The following AGAP1 variants were observed in gnomAD, a reference collection of about 807,000 sequenced individuals.
The protein encoded by AGAP1 is ArfGAP with GTPase domain, ankyrin repeat and PH domain 1.
In AGAP1, 29 loss-of-function variants were observed where a neutral mutation model predicts 105.3. That is an observed-to-expected ratio of 0.28 (90% CI 0.21 to 0.38). The LOEUF is 0.38. Ranked by LOEUF, AGAP1 falls within the 10% of genes least tolerant of loss-of-function variation. AGAP1 has a pLI of 1.00. For synonymous variants in AGAP1, 509 were observed against 485.9 expected, an observed-to-expected ratio of 1.05 and a Z score of -0.63; for missense variants, 998 against 1,165.1, an observed-to-expected ratio of 0.86 and a Z score of 2.09.
intron 9 of AGAP1, among the ~76,000 whole-genome samples, chr2:235,825,191 G>T (rs941508213): frequency 2.0e-5 from 3 of 152,220 alleles, no homozygotes; most frequent in Non-Finnish European, 4.4e-5. Context: ...GCAGGCTCCC[G>T]TCTCCAGACC....
intron 1 of AGAP1, among the ~76,000 whole-genome samples, chr2:235,638,270 T>A (rs974800864): frequency 2.0e-5 from 3 of 152,084 alleles, no homozygotes; most frequent in Non-Finnish European, 4.4e-5. Context: ...GGAGGTTCGA[T>A]CAGATTACCC....
chr2:235,815,330 C>T (rs1410439461), intron 9 of AGAP1, among the ~76,000 whole-genome samples: 1 of 152,198 alleles, frequency 6.6e-6, no homozygotes, highest in Non-Finnish European at 1.5e-5. Flanking sequence ...GAGCCTGTTG[C>T]CTTCTTGCTG....
chr2:235,696,101 A>C (rs1450186174), intron 1 of AGAP1, among the ~76,000 whole-genome samples: 1 of 152,166 alleles, frequency 6.6e-6, no homozygotes, highest in Non-Finnish European at 1.5e-5. Context: ...GCTGGAGTGC[A>C]GTGGCGTGAT....
chr2:235,496,702 A>T (rs568697938), intron 1 of AGAP1, among the ~76,000 whole-genome samples: 1 of 152,198 alleles, frequency 6.6e-6, no homozygotes, highest in South Asian at 2.1e-4. Flanking sequence ...AAGCACTTCC[A>T]GCAAAGCAGT....
intron 6 of AGAP1, among the ~76,000 whole-genome samples, chr2:235,783,913 G>A (rs1956438086): frequency 6.6e-6 from 1 of 152,176 alleles, no homozygotes; most frequent in African/African-American, 2.4e-5. Flanking sequence ...TGAAATGTGT[G>A]GGAGTGAACT....
At chr2:236,102,088 C>T (rs1391358731) in intron 16 of AGAP1, among the ~76,000 whole-genome samples, 3 of 152,182 alleles carry the variant, frequency 2.0e-5, no homozygotes, top group South Asian at 2.1e-4. Flanking sequence ...TCGTGACTAG[C>T]CTGGCCAACA....
chr2:235,503,499 G>A (rs1351353048), intron 1 of AGAP1, among the ~76,000 whole-genome samples: 1 of 152,122 alleles, frequency 6.6e-6, no homozygotes, highest in African/African-American at 2.4e-5. Flanking sequence ...ATCAAGCCTG[G>A]GTCTCTGAGT....
In AGAP1 at chr2:235,751,097, G is replaced by A. The variant is rs1392346761; in HGVS notation, c.673+609G>A. Among the ~76,000 whole-genome samples the A allele has an allele frequency of 6.6e-6, 1 of 152,108 alleles. No homozygotes were observed. Among genetic ancestry groups the A allele is most frequent in the East Asian group, 1.9e-4 (1 of 5,186 alleles). ...GAAAATTCTCCTAGGAGAGCATGAGGTTCTGCAAGAGGGTCACATACTTGT... is the reference window on the plus strand; with the variant it reads ...GAAAATTCTCCTAGGAGAGCATGAGATTCTGCAAGAGGGTCACATACTTGT... On this transcript the variant is annotated intron_variant, in intron 6 of 17. Coordinates refer to ENST00000304032, the MANE Select transcript of AGAP1 (RefSeq NM_001037131.3). The surrounding 1 kb of genome is among the most constrained non-coding windows in gnomAD (Gnocchi z 5.3).
chr2:235,862,477 G>A (rs889408933), intron 9 of AGAP1, among the ~76,000 whole-genome samples: 1 of 152,192 alleles, frequency 6.6e-6, no homozygotes, highest in Non-Finnish European at 1.5e-5. Flanking sequence ...GTTCTCATCC[G>A]TAGCAGAGAC....
At chr2:235,502,808 G>A (rs1276962037) in intron 1 of AGAP1, among the ~76,000 whole-genome samples, 1 of 150,380 alleles carries the variant, frequency 6.6e-6, no homozygotes, top group African/African-American at 2.5e-5. Context: ...TGGTCTTGGA[G>A]AAATGTCAGC....
In AGAP1 at chr2:235,494,568, G is replaced by A; in HGVS notation, c.-119G>A. The stretch of plus-strand genomic sequence containing the variant: ...CTTTCTTCTCGCGCCTCCTCCGCCC[G>A]CCGCCGGCGGGCCCGGCTCCCCGGG... On this transcript the variant is annotated 5_prime_UTR_variant, in exon 1 of 18. Coordinates refer to ENST00000304032, the MANE Select transcript of AGAP1 (RefSeq NM_001037131.3). The A allele has an allele frequency of 5.3e-6, 1 of 190,428 alleles. No homozygotes were observed. Among genetic ancestry groups the A allele is most frequent in the Non-Finnish European group, 9.1e-6 (1 of 110,036 alleles). The allele number at this position is 190,428 out of a possible 1,614,324, so 11.8% of individuals were successfully genotyped here.
rs990595865 is a variant in AGAP1 at position 235,599,744 on chromosome 2, C to G, written c.163+104895C>G. On this transcript the variant is annotated intron_variant, in intron 1 of 17. Transcript: ENST00000304032. This position sits in a 1 kb window ranked among gnomAD's most constrained non-coding sequence, Gnocchi z 5.3. ...GGTCCCACGTGATTCTACCTGATCG[C>G]TGGCTCTCTAGGGCTTTTCCCCTCC... Among the ~76,000 whole-genome samples the G allele has an allele frequency of 6.6e-6, 1 of 152,174 alleles. No homozygotes were observed. Among genetic ancestry groups the G allele is most frequent in the Non-Finnish European group, 1.5e-5 (1 of 68,026 alleles).
intron 1 of AGAP1, among the ~76,000 whole-genome samples, chr2:235,592,139 G>A (rs547463566): frequency 9.8e-5 from 15 of 152,362 alleles, no homozygotes; most frequent in African/African-American, 3.6e-4. Context: ...ACAGCGCCCT[G>A]TGGCCAGGAA....
intron 1 of AGAP1, among the ~76,000 whole-genome samples, chr2:235,575,674 G>A (rs1944709063): frequency 6.6e-6 from 1 of 152,256 alleles, no homozygotes; most frequent in Non-Finnish European, 1.5e-5. Flanking sequence ...CTGGGAGAAA[G>A]GGCTGCCGTA....
At chr2:235,718,109 T>G (rs1951209855) in intron 3 of AGAP1, among the ~76,000 whole-genome samples, 1 of 152,188 alleles carries the variant, frequency 6.6e-6, no homozygotes, top group Non-Finnish European at 1.5e-5. Flanking sequence ...TTATAAACAT[T>G]TAATAATCAT....
intron 1 of AGAP1, chr2:235,670,166 C>T (rs921502786): frequency 1.2e-5 from 7 of 583,654 alleles, no homozygotes; most frequent in Admixed American, 2.6e-5. Context: ...GCGCGGGACG[C>T]CCCCCAGAAA....
chr2:236,130,246 T>C lies in AGAP1; in HGVS notation c.*6124T>C, dbSNP rs2060064922. 6.6e-6 allele frequency: 1 copy of C among 152,126 alleles called. No homozygotes were observed. The highest frequency in any genetic ancestry group is 2.4e-5 in the African/African-American group (1 of 41,412). The allele number at this position is 152,126 out of a possible 1,614,324, so 9.4% of individuals were successfully genotyped here. On this transcript the variant is annotated 3_prime_UTR_variant, in exon 18 of 18. Coordinates refer to ENST00000304032, the MANE Select transcript of AGAP1 (RefSeq NM_001037131.3). This position sits in a 1 kb window ranked among gnomAD's most constrained non-coding sequence, Gnocchi z 5.8. ...AGGCTGGCTCAGGGCTTGGTTTTCA[T>C]TTTGGCCTGGCACAGGGTACCTGTA...
At chr2:236,084,246 C>G (rs528416601) in intron 16 of AGAP1, among the ~76,000 whole-genome samples, 1 of 152,258 alleles carries the variant, frequency 6.6e-6, no homozygotes, top group South Asian at 2.1e-4. Context: ...CTGCGGCCAC[C>G]TTAAACTTAA....
At chr2:235,780,574 G>A (rs1956200474) in intron 6 of AGAP1, among the ~76,000 whole-genome samples, 1 of 152,140 alleles carries the variant, frequency 6.6e-6, no homozygotes, top group South Asian at 2.1e-4. Context: ...CAGTGCTGTG[G>A]CAAGGTATGT....
Sources: gnomAD v4.1 joint callset for allele counts (sites outside exome capture counted in the v4.1 genomes callset) on GRCh38, gnomAD v4.1.1 for gene constraint, Gnocchi (gnomAD v3.1) non-coding constraint, MANE v1.5 for transcripts, NCBI Gene and HGNC (gene_info 2026-07-23, HGNC 2026-07-21) for gene names.